Variants in ATP5MGL observed in about 807,000 individuals in gnomAD.
ATP5MGL encodes the protein ATP synthase membrane subunit g like.
For synonymous variants in ATP5MGL, 56 were observed against 48.3 expected (o/e 1.16, Z -0.66); for missense variants, 119 against 123.1 (o/e 0.97, Z 0.16).
chr22:42,640,126 A>C lies in ATP5MGL; in HGVS notation c.149T>G (p.Ile50Ser), dbSNP rs1929163759. 1 of 1,613,894 alleles carries C rather than the reference A, an allele frequency of 6.2e-7. No homozygotes were observed. Among genetic ancestry groups the C allele is most frequent in the African/African-American group, 1.3e-5 (1 of 75,040 alleles). ...ACTGACTATTTTTTTCAGGCTCTGA[A>C]TAGCTCTAGGGATCTCAGCAGGGGT... ...PPTPAEIPRA[I>S]QSLKKIVSSA... Residue 50 changes from isoleucine to serine, a missense_variant, in exon 1 of 1, where the codon ATT becomes AGT. Ile to Ser is a moderately radical substitution (Grantham distance 142, BLOSUM62 -2). Transcript: ENST00000505920.
In ATP5MGL at chr22:42,640,084, C is replaced by G. The variant is rs776768242; in HGVS notation, c.191G>C (p.Ser64Thr). 1.0e-4 allele frequency: 165 copies of G among 1,613,896 alleles called. 2 individuals are homozygous for G. In the South Asian group the frequency reaches 1.8e-3, roughly 17 times the overall value. The change falls in exon 1 of 1, where the codon AGC becomes ACC. Residue 64 changes from serine to threonine, a missense_variant. By Grantham distance (58) the Ser-to-Thr change is moderately conservative. Coordinates refer to ENST00000505920, the MANE Select transcript of ATP5MGL (RefSeq NM_001165877.1). ...TTCCTTAACTGTGAGCTGTTTGAAGCTACCAGTCTGAGCACTACTGACTAT... is the reference window on the plus strand; with the variant it reads ...TTCCTTAACTGTGAGCTGTTTGAAGGTACCAGTCTGAGCACTACTGACTAT... ...KKIVSSAQTG[S>T]FKQLTVKEAL...
In ATP5MGL at chr22:42,640,361, ATTTATTTATTT is replaced by A. The variant is rs1332343690; in HGVS notation, c.-98_-88del. The A allele has an allele frequency of 4.1e-6, 2 of 489,282 alleles. No individual in the cohort carries two copies. Among genetic ancestry groups the A allele is most frequent in the East Asian group, 9.1e-5 (2 of 21,930 alleles). 30.3% of individuals were successfully genotyped at this position (489,282 alleles called of 1,614,324 possible). A position where few individuals can be genotyped will look rare whatever the true frequency, so the allele number is the denominator to read the frequency against. ...CCCTGCGTGGTTCACTTATTTATTT[ATTTATTTATTT>A]ATTTATTTATTTATTTATTTATTTG... On this transcript the variant is annotated 5_prime_UTR_variant, in exon 1 of 1. Coordinates refer to ENST00000505920, the MANE Select transcript of ATP5MGL (RefSeq NM_001165877.1).
Position 42,640,308 on chromosome 22 carries a change from G to T in ATP5MGL, c.-34C>A, listed in dbSNP as rs1051190598. The T allele has an allele frequency of 1.4e-5, 22 of 1,521,052 alleles. No homozygotes were observed. Among genetic ancestry groups the T allele is most frequent in the Non-Finnish European group, 1.9e-5 (21 of 1,131,380 alleles). The allele number at this position is 1,521,052 out of a possible 1,614,324, so 94.2% of individuals were successfully genotyped here. On this transcript the variant is annotated 5_prime_UTR_variant, in exon 1 of 1. Transcript: ENST00000505920. ...GATGGAAAGTCCATCATCCCGAATG[G>T]CCAGCTGAAGGTCACCCCCCGGAAG...
At chr22:42,640,199 G>A in the ATP5MGL span, 12 of 1,607,174 alleles carry the variant, frequency 7.5e-6, no homozygotes, top group African/African-American at 4.0e-5. Flanking sequence ...GCGGCCAATC[G>A]AGGCTTCAAG....
rs1397110871 is a variant in ATP5MGL, at chr22:42,640,224, A to G, written c.51T>C (p.Asn17=). ...GAGGCTTCAAGTAAGTCACAGCAGC[A>G]TTCACCAGTGCTGGGGTCTTCTCCA... The part of the protein sequence containing the change: ...NLVEKTPALV[N]AAVTYLKPRL... Residue 17 remains asparagine (N), a synonymous_variant, in exon 1 of 1, where the codon AAT becomes AAC. Coordinates refer to ENST00000505920, the MANE Select transcript of ATP5MGL (RefSeq NM_001165877.1). The G allele has an allele frequency of 6.3e-6, 10 of 1,596,318 alleles. No individual in the cohort carries two copies. Among genetic ancestry groups the G allele is most frequent in the East Asian group, 4.5e-5 (2 of 44,130 alleles).
chr22:42,640,051 A>G lies in ATP5MGL; in HGVS notation c.224T>C (p.Leu75Pro), dbSNP rs1929157557. Residue 75 changes from leucine to proline, a missense_variant, in exon 1 of 1, where the codon CTG becomes CCG. Transcript: ENST00000505920. ...CACCTCAGTGGCCACCAAACCGTTC[A>G]GCAAAGCTTCCTTAACTGTGAGCTG... is the stretch of plus-strand genomic sequence containing the variant. Reference protein sequence around the residue: ...FKQLTVKEALLNGLVATEVST... With the variant: ...FKQLTVKEALPNGLVATEVST... The G allele has an allele frequency of 1.9e-6, 3 of 1,613,732 alleles. No homozygotes were observed. In the African/African-American group the frequency reaches 4.0e-5, roughly 22 times the overall value.
Position 42,640,269 on chromosome 22 carries a change from A to T in ATP5MGL, c.6T>A (p.Ala2=), listed in dbSNP as rs1929178270. The change falls in exon 1 of 1, where the codon GCT becomes GCA. Residue 2 remains alanine, a synonymous_variant. Transcript: ENST00000505920. The part of the protein sequence containing the change: M[A]PFVRNLVEKT... ...TCTCCACAAGGTTACGGACAAATGG[A>T]GCCATGGTTCTGGGATGGAAAGTCC... 6.4e-7 allele frequency: 1 copy of T among 1,559,680 alleles called. No individual in the cohort carries two copies. The highest frequency in any genetic ancestry group is 1.2e-5 in the South Asian group (1 of 85,428).
In ATP5MGL at chr22:42,640,045, C is replaced by T. The variant is rs747047782; in HGVS notation, c.230G>A (p.Gly77Asp). The change falls in exon 1 of 1, where the codon GGT (glycine) becomes GAT (aspartate). Residue 77 changes from glycine (G) to aspartate (D), a missense_variant. By Grantham distance (94) the Gly-to-Asp change is moderately conservative. Coordinates refer to ENST00000505920, the MANE Select transcript of ATP5MGL (RefSeq NM_001165877.1). ...CGTCGACACCTCAGTGGCCACCAAA[C>T]CGTTCAGCAAAGCTTCCTTAACTGT... Reference protein sequence around the residue: ...QLTVKEALLNGLVATEVSTWF... With the variant: ...QLTVKEALLNDLVATEVSTWF... The T allele has an allele frequency of 1.2e-6, 2 of 1,613,738 alleles. No individual in the cohort carries two copies. The highest frequency in any genetic ancestry group is 2.2e-5 in the South Asian group (2 of 91,086).
the ATP5MGL span, chr22:42,640,178 AG>A: frequency 4.3e-6 from 7 of 1,612,500 alleles, no homozygotes; most frequent in South Asian, 6.6e-5. Context: ...ACCGTGGTGT[AG>A]TACCAAAATG....
rs1929172543 is a variant in ATP5MGL at position 42,640,205 on chromosome 22, T to G, written c.70A>C (p.Lys24Gln). The G allele has an allele frequency of 6.2e-7, 1 of 1,605,314 alleles. No homozygotes were observed. The highest frequency in any genetic ancestry group is 1.3e-5 in the African/African-American group (1 of 74,702). The change falls in exon 1 of 1, where the codon AAG (lysine) becomes CAG (glutamine). Residue 24 changes from lysine (K) to glutamine (Q), a missense_variant. By Grantham distance (53) the Lys-to-Gln change is moderately conservative (BLOSUM62 1). Coordinates refer to ENST00000505920, the MANE Select transcript of ATP5MGL (RefSeq NM_001165877.1). ...TACCAAAATGCGGCCAATCGAGGCT[T>G]CAAGTAAGTCACAGCAGCATTCACC... Reference protein sequence around the residue: ...ALVNAAVTYLKPRLAAFWYYT... With the variant: ...ALVNAAVTYLQPRLAAFWYYT...
Position 42,640,390 on chromosome 22 carries a change from T to C in ATP5MGL, c.-116A>G, listed in dbSNP as rs1929192507. ...ATTTATTTATTTATTTATTTATTTA[T>C]TTATTTGAGATGGAGTCTCACTCTA... is the stretch of plus-strand genomic sequence containing the variant. On this transcript the variant is annotated 5_prime_UTR_variant, in exon 1 of 1. Transcript: ENST00000505920. 2.0e-6 allele frequency: 1 copy of C among 508,030 alleles called. No individual in the cohort carries two copies. The highest frequency in any genetic ancestry group is 8.9e-5 in the South Asian group (1 of 11,288). The allele number at this position is 508,030 out of a possible 1,614,324, so 31.5% of individuals were successfully genotyped here.
chr22:42,640,243 T>C lies in ATP5MGL; in HGVS notation c.32A>G (p.Lys11Arg). 1 of 1,580,624 alleles carries C rather than the reference T, an allele frequency of 6.3e-7. No individual in the cohort carries two copies. Among genetic ancestry groups the C allele is most frequent in the Non-Finnish European group, 8.6e-7 (1 of 1,166,460 alleles). MAPFVRNLVE[K>R]TPALVNAAVT... ...AGCAGCATTCACCAGTGCTGGGGTC[T>C]TCTCCACAAGGTTACGGACAAATGG... The change falls in exon 1 of 1, where the codon AAG becomes AGG. Residue 11 changes from lysine (K) to arginine (R), a missense_variant. Lys to Arg is a conservative substitution (Grantham distance 26). Coordinates refer to ENST00000505920, the MANE Select transcript of ATP5MGL (RefSeq NM_001165877.1).
chr22:42,640,310 C>T lies in ATP5MGL; in HGVS notation c.-36G>A. Reference sequence around the variant, plus strand: ...TGGAAAGTCCATCATCCCGAATGGCCAGCTGAAGGTCACCCCCCGGAAGGA... The same window carrying T: ...TGGAAAGTCCATCATCCCGAATGGCTAGCTGAAGGTCACCCCCCGGAAGGA... On this transcript the variant is annotated 5_prime_UTR_variant, in exon 1 of 1. Transcript: ENST00000505920. The T allele has an allele frequency of 6.6e-7, 1 of 1,516,564 alleles. No homozygotes were observed. The highest frequency in any genetic ancestry group is 8.9e-7 in the Non-Finnish European group (1 of 1,127,908). 93.9% of individuals were successfully genotyped at this position (1,516,564 alleles called of 1,614,324 possible).
At position 42,639,962 on chromosome 22, in the gene ATP5MGL, T is replaced by C. The variant is rs757584774; in HGVS notation, c.*10A>G. 1 of 1,609,218 alleles carries C rather than the reference T, an allele frequency of 6.2e-7. No homozygotes were observed. Among genetic ancestry groups the C allele is most frequent in the African/African-American group, 1.3e-5 (1 of 74,984 alleles). Reference sequence around the variant, plus strand: ...ATATAATCAGATGTTAAGACTGGTCTTCAAACATTCTAGCCAATGATGCCA... The same window carrying C: ...ATATAATCAGATGTTAAGACTGGTCCTCAAACATTCTAGCCAATGATGCCA... On this transcript the variant is annotated 3_prime_UTR_variant, in exon 1 of 1. Coordinates refer to ENST00000505920, the MANE Select transcript of ATP5MGL (RefSeq NM_001165877.1).
Position 42,640,023 on chromosome 22 carries a change from C to T in ATP5MGL, c.252G>A (p.Ser84=), listed in dbSNP as rs1929154770. Residue 84 remains serine (S), a synonymous_variant, in exon 1 of 1, where the codon TCG becomes TCA. Coordinates refer to ENST00000505920, the MANE Select transcript of ATP5MGL (RefSeq NM_001165877.1). ...LLNGLVATEV[S]TWFYVREITG... Reference sequence around the variant, plus strand: ...TGATCTCTCTGACATAAAACCACGTCGACACCTCAGTGGCCACCAAACCGT... The same window carrying T: ...TGATCTCTCTGACATAAAACCACGTTGACACCTCAGTGGCCACCAAACCGT... 6.2e-7 allele frequency: 1 copy of T among 1,613,264 alleles called. No individual in the cohort carries two copies. Among genetic ancestry groups the T allele is most frequent in the Non-Finnish European group, 8.5e-7 (1 of 1,180,002 alleles).
chr22:42,640,217 C>T lies in ATP5MGL; in HGVS notation c.58G>A (p.Val20Met), dbSNP rs1445417831. ...EKTPALVNAA[V>M]TYLKPRLAAF... ...GCCAATCGAGGCTTCAAGTAAGTCA[C>T]AGCAGCATTCACCAGTGCTGGGGTC... Residue 20 changes from valine to methionine, a missense_variant, in exon 1 of 1, where the codon GTG becomes ATG. Val to Met is a conservative substitution (Grantham distance 21). Coordinates refer to ENST00000505920, the MANE Select transcript of ATP5MGL (RefSeq NM_001165877.1). 2 of 1,598,968 alleles carry T rather than the reference C, an allele frequency of 1.3e-6. No individual in the cohort carries two copies. Among genetic ancestry groups the T allele is most frequent in the Non-Finnish European group, 8.5e-7 (1 of 1,174,690 alleles).
Position 42,639,926 on chromosome 22 carries a change from T to C in ATP5MGL, c.*46A>G, listed in dbSNP as rs1238592535. 6 of 1,568,294 alleles carry C rather than the reference T, an allele frequency of 3.8e-6. No individual in the cohort carries two copies. In the South Asian group the frequency reaches 6.9e-5, roughly 18 times the overall value. ...CACACCTGGTCCAACAACACTCAAA[T>C]AATAAATCAAATATAATCAGATGTT... On this transcript the variant is annotated 3_prime_UTR_variant, in exon 1 of 1. Coordinates refer to ENST00000505920, the MANE Select transcript of ATP5MGL (RefSeq NM_001165877.1).
chr22:42,639,834 C>G lies in ATP5MGL; in HGVS notation c.*138G>C. The stretch of plus-strand genomic sequence containing the variant: ...GACCCTTGAACATGGGTTGGAACTG[C>G]TTGATTCACTTTTTTTTTTTTTTGG... On this transcript the variant is annotated 3_prime_UTR_variant, in exon 1 of 1. Transcript: ENST00000505920. 9.1e-7 allele frequency: 1 copy of G among 1,098,906 alleles called. No individual in the cohort carries two copies. Among genetic ancestry groups the G allele is most frequent in the East Asian group, 2.7e-5 (1 of 36,510 alleles). 68.1% of individuals were successfully genotyped at this position (1,098,906 alleles called of 1,614,324 possible).
chr22:42,639,851 T>G lies in ATP5MGL; in HGVS notation c.*121A>C. 8.0e-7 allele frequency: 1 copy of G among 1,257,528 alleles called. No homozygotes were observed. Among genetic ancestry groups the G allele is most frequent in the South Asian group, 1.6e-5 (1 of 62,066 alleles). 77.9% of individuals were successfully genotyped at this position (1,257,528 alleles called of 1,614,324 possible). ...TGGAACTGCTTGATTCACTTTTTTT[T>G]TTTTTTGGAATTTCTGACAAATCTT... On this transcript the variant is annotated 3_prime_UTR_variant, in exon 1 of 1. Transcript: ENST00000505920.
Sources: gnomAD v4.1 joint callset for allele counts on GRCh38, gnomAD v4.1.1 for gene constraint, MANE v1.5 for transcripts, NCBI Gene and HGNC (gene_info 2026-07-23, HGNC 2026-07-21) for gene names.